DARS2: variants seen among roughly 807,000 people sequenced by gnomAD.
DARS2 encodes the protein aspartyl-tRNA synthetase 2, mitochondrial, also known as aspartate--tRNA ligase, mitochondrial.
Under a neutral mutation model 83.0 loss-of-function variants are expected in DARS2, and 63 were observed. The observed-to-expected ratio is 0.76, with a 90% CI of 0.62 to 0.94. The LOEUF (loss-of-function observed/expected upper bound fraction) is 0.94, where lower values mean the gene tolerates loss of function less well. Among genes scored for constraint, DARS2 ranks in the 40% least tolerant of loss-of-function variants. The probability of loss-of-function intolerance (pLI) is 0.00; values close to 1 mark genes in which losing one functional copy is unlikely to be tolerated. For missense variants in DARS2, 675 were observed against 774.4 expected (o/e 0.87, Z 1.52); for synonymous variants, 250 against 269.3 (o/e 0.93, Z 0.70).
chr1:173,846,294 G>A (rs1653433001), intron 12 of DARS2, among the ~76,000 whole-genome samples: 2 of 152,142 alleles, frequency 1.3e-5, no homozygotes, highest in South Asian at 4.1e-4. Context: ...TCACGCCACT[G>A]CACTACTGCC....
Position 173,838,244 on chromosome 1 carries a change from G to A in DARS2, c.825G>A (p.Gln275=). 1.9e-6 allele frequency: 3 copies of A among 1,613,452 alleles called. No individual in the cohort carries two copies. The highest frequency in any genetic ancestry group is 1.6e-4 in the Middle Eastern group (1 of 6,062). The stretch of plus-strand genomic sequence containing the variant: ...ATGAAGGTTCAAGACCAGACAGACA[G>A]CCTGAGTTTACTCAGGTACAAAGTT... ...YRDEGSRPDR[Q]PEFTQIDIEM... is the part of the protein sequence containing the mutation. Residue 275 remains glutamine (Q), a synonymous_variant, in exon 9 of 17, where the codon CAG becomes CAA. Coordinates refer to ENST00000649689, the MANE Select transcript of DARS2 (RefSeq NM_018122.5).
At chr1:173,837,186 T>C in intron 8 of DARS2, 140 bp downstream of exon 8, 1 of 771,348 alleles carries the variant, frequency 1.3e-6, no homozygotes, top group Non-Finnish European at 2.2e-6. Context: ...TAAAATGCCC[T>C]CATAATTTAT....
chr1:173,826,851 T>C lies in DARS2; in HGVS notation c.227+65T>C, dbSNP rs1408800096. The C allele has an allele frequency of 8.6e-6, 10 of 1,166,720 alleles. No individual in the cohort carries two copies. In the East Asian group the frequency reaches 2.1e-4, roughly 25 times the overall value. The allele number at this position is 1,166,720 out of a possible 1,614,324, so 72.3% of individuals were successfully genotyped here. On this transcript the variant is annotated intron_variant, in intron 2 of 16. Coordinates refer to ENST00000649689, the MANE Select transcript of DARS2 (RefSeq NM_018122.5). Reference sequence around the variant, plus strand: ...TTTTCCCAGGGCAATTCCAAACCTTTACTAATTTACAACCAGTCCGAAGAA... The same window carrying C: ...TTTTCCCAGGGCAATTCCAAACCTTCACTAATTTACAACCAGTCCGAAGAA...
At chr1:173,825,505 G>A in intron 1 of DARS2, 149 bp downstream of exon 1, 1 of 554,588 alleles carries the variant, frequency 1.8e-6, no homozygotes, top group African/African-American at 2.3e-5. Context: ...GTCTCGCTCT[G>A]CTGCCCAGGC....
At position 173,825,051 on chromosome 1, in the gene DARS2, G is replaced by T. The variant is rs934217458; in HGVS notation, c.-179G>T. ...CAGCAAGCACCCCAGAGACCTTGGA[G>T]ATTTGTCTTGTTTCTAGACACGTGT... is the stretch of plus-strand genomic sequence containing the variant. On this transcript the variant is annotated 5_prime_UTR_variant, in exon 1 of 17. Coordinates refer to ENST00000649689, the MANE Select transcript of DARS2 (RefSeq NM_018122.5). 8.5e-6 allele frequency: 7 copies of T among 825,934 alleles called. No individual in the cohort carries two copies. In the African/African-American group the frequency reaches 1.0e-4, roughly 12 times the overall value. 51.2% of individuals were successfully genotyped at this position (825,934 alleles called of 1,614,324 possible). A position where few individuals can be genotyped will look rare whatever the true frequency, so the allele number is the denominator to read the frequency against.
At chr1:173,841,545 G>A (rs947933511) in intron 11 of DARS2, among the ~76,000 whole-genome samples, 1 of 151,726 alleles carries the variant, frequency 6.6e-6, no homozygotes, top group Non-Finnish European at 1.5e-5. Context: ...AGGCATAGTA[G>A]CTCATACCTA....
intron 12 of DARS2, among the ~76,000 whole-genome samples, chr1:173,848,357 G>C (rs78952900): frequency 0.022 from 3,396 of 152,208 alleles, 125 homozygotes; most frequent in African/African-American, 0.078. Flanking sequence ...ATTTTGAATT[G>C]ACAGCCATAT....
At position 173,828,400 on chromosome 1, in the gene DARS2, G is replaced by C; in HGVS notation, c.294+1G>C. 3.1e-6 allele frequency: 5 copies of C among 1,612,294 alleles called. No homozygotes were observed. The highest frequency in any genetic ancestry group is 4.2e-6 in the Non-Finnish European group (5 of 1,178,902). ...TCAAGTTATCATTCCCCAGGATGAG[G>C]TAATAGAAAATTTCCTGTTATTATC... is the stretch of plus-strand genomic sequence containing the variant. On this transcript the variant is annotated splice_donor_variant, in intron 3 of 16. Transcript: ENST00000649689. LOFTEE classifies it high-confidence loss of function.
rs1572001309 is a variant in DARS2, at chr1:173,857,965, T to C, written c.*260T>C. 2 of 476,630 alleles carry C rather than the reference T, an allele frequency of 4.2e-6. No homozygotes were observed. The highest frequency in any genetic ancestry group is 8.1e-5 in the East Asian group (2 of 24,686). The allele number at this position is 476,630 out of a possible 1,614,324, so 29.5% of individuals were successfully genotyped here. A position where few individuals can be genotyped will look rare whatever the true frequency, so the allele number is the denominator to read the frequency against. On this transcript the variant is annotated 3_prime_UTR_variant, in exon 17 of 17. Coordinates refer to ENST00000649689, the MANE Select transcript of DARS2 (RefSeq NM_018122.5). The stretch of plus-strand genomic sequence containing the variant: ...TTACTTAGGTGTGAAAGATGGTTCT[T>C]TGTTGAAATAATATAGTGGTTTAGT...
At position 173,838,276 on chromosome 1, in the gene DARS2, A is replaced by C. The variant is rs1386020936; in HGVS notation, c.840+17A>C. On this transcript the variant is annotated intron_variant, in intron 9 of 16. Transcript: ENST00000649689. ...TTTACTCAGGTACAAAGTTATATTC[A>C]CTTGTTTCTTAAAATTCAGGCTTAC... 2 of 1,598,108 alleles carry C rather than the reference A, an allele frequency of 1.3e-6. No homozygotes were observed. Among genetic ancestry groups the C allele is most frequent in the Non-Finnish European group, 1.7e-6 (2 of 1,165,842 alleles).
In DARS2 at chr1:173,853,872, G is replaced by A; in HGVS notation, c.1641G>A (p.Glu547=). Residue 547 remains glutamate, a synonymous_variant, in exon 15 of 17, where the codon GAG becomes GAA. Transcript: ENST00000649689. ...GGGSIRIHNA[E]LQRYILATLL... is the part of the protein sequence containing the mutation. ...GTTCAATTCGAATTCACAATGCAGA[G>A]CTGCAGCGTTATATCCTGGCAACCT... 6.2e-7 allele frequency: 1 copy of A among 1,614,166 alleles called. No homozygotes were observed. Among genetic ancestry groups the A allele is most frequent in the Non-Finnish European group, 8.5e-7 (1 of 1,180,018 alleles).
rs759425344 is a variant in DARS2 at position 173,833,513 on chromosome 1, C to T, written c.616+14C>T. The stretch of plus-strand genomic sequence containing the variant: ...GTAATCTGCATGGTAAGAGAAATGC[C>T]TGGATGCTCTTTGGAGCTTTGTAGC... On this transcript the variant is annotated intron_variant, in intron 6 of 16. Transcript: ENST00000649689. The T allele has an allele frequency of 6.8e-6, 11 of 1,613,942 alleles. No homozygotes were observed. Among genetic ancestry groups the T allele is most frequent in the Non-Finnish European group, 8.5e-6 (10 of 1,179,998 alleles).
chr1:173,830,309 A>G (rs1652747206), intron 3 of DARS2, among the ~76,000 whole-genome samples: 1 of 152,134 alleles, frequency 6.6e-6, no homozygotes, highest in South Asian at 2.1e-4. Flanking sequence ...TTTGACTCTG[A>G]CCCATTATTG....
At chr1:173,845,364 CATT>C (rs1452357770) in intron 12 of DARS2, 73 bp downstream of exon 12, 2 of 926,026 alleles carry the variant, frequency 2.2e-6, no homozygotes, top group Non-Finnish European at 3.5e-6. Flanking sequence ...ACTAAACTAT[CATT>C]ATCATTAGTT....
intron 3 of DARS2, 117 bp downstream of exon 3, chr1:173,828,516 A>T (rs2102636244): frequency 1.0e-6 from 1 of 992,720 alleles, no homozygotes. Context: ...TTGTTAATGA[A>T]AACTGAAAAA....
intron 3 of DARS2, among the ~76,000 whole-genome samples, chr1:173,830,337 C>T (rs1571978646): frequency 6.6e-6 from 1 of 152,128 alleles, no homozygotes; most frequent in Non-Finnish European, 1.5e-5. Flanking sequence ...ATTTAACTGC[C>T]CCTAAGACTA....
chr1:173,843,331 C>T (rs954372514), intron 11 of DARS2, among the ~76,000 whole-genome samples: 2 of 151,994 alleles, frequency 1.3e-5, no homozygotes, highest in African/African-American at 2.4e-5. Context: ...GAGGCTGAGG[C>T]GGGCGGATCA....
At chr1:173,851,755 A>G (rs1032653430) in intron 13 of DARS2, 3 of 823,274 alleles carry the variant, frequency 3.6e-6, no homozygotes, top group Non-Finnish European at 4.4e-6. Context: ...AGTTTTTTCA[A>G]AATGATAGTG....
At chr1:173,834,782 G>GTTTTTTTTGGGTTTTTTTTTTTTTTTT (rs1652940136) in intron 7 of DARS2, among the ~76,000 whole-genome samples, 1 of 26,754 alleles carries the variant, frequency 3.7e-5, no homozygotes, top group African/African-American at 1.6e-4. Context: ...TTTTTTTTTT[G>GTTTTTTTTGGGTTTTTTTTTTTTTTTT]TTTTTTTTTT....
Sources: allele counts gnomAD v4.1 joint callset (sites outside exome capture counted in the v4.1 genomes callset), GRCh38; gene constraint gnomAD v4.1.1; transcripts MANE v1.5; gene names NCBI Gene and HGNC (gene_info 2026-07-23, HGNC 2026-07-21).